The following ROBO2 variants were observed in gnomAD, a reference collection of about 807,000 sequenced individuals.
ROBO2 encodes the protein roundabout homolog 2.
Under a neutral mutation model 160.8 loss-of-function variants are expected in ROBO2, and 53 were observed. That is an observed-to-expected ratio of 0.33 (90% CI 0.26 to 0.41). The LOEUF (loss-of-function observed/expected upper bound fraction) is 0.41. Among genes scored for constraint, ROBO2 ranks in the 10% least tolerant of loss-of-function variants. ROBO2 has a pLI of 1.00. For missense variants in ROBO2, 1,577 were observed against 1,722.4 expected (o/e 0.92, Z 1.49); for synonymous variants, 664 against 611.7 (o/e 1.09, Z -1.26).
At chr3:77,427,235 A>G (rs1461680743) in intron 2 of ROBO2, among the ~76,000 whole-genome samples, 1 of 152,212 alleles carries the variant, frequency 6.6e-6, no homozygotes, top group African/African-American at 2.4e-5. Flanking sequence ...TTATGGAAGC[A>G]TTGTCAGACC....
intron 2 of ROBO2, among the ~76,000 whole-genome samples, chr3:76,911,620 T>C (rs2075996103): frequency 6.6e-6 from 1 of 152,188 alleles, no homozygotes; most frequent in Non-Finnish European, 1.5e-5. Context: ...GGCTAAAAAT[T>C]ACATTTTTCC....
chr3:77,441,607 A>G (rs904749999), intron 2 of ROBO2, among the ~76,000 whole-genome samples: 8 of 152,182 alleles, frequency 5.3e-5, no homozygotes, highest in Non-Finnish European at 1.0e-4. Context: ...TGCATAAGAA[A>G]TCAGTGTTCT....
At chr3:76,774,120 G>T (rs776389293) in intron 2 of ROBO2, among the ~76,000 whole-genome samples, 11 of 150,926 alleles carry the variant, frequency 7.3e-5, no homozygotes, top group Non-Finnish European at 1.6e-4. Flanking sequence ...ACACAATTAA[G>T]ATTATCTCTA....
At chr3:76,443,157 A>G (rs549370229) in intron 2 of ROBO2, among the ~76,000 whole-genome samples, 23 of 151,996 alleles carry the variant, frequency 1.5e-4, no homozygotes, top group Non-Finnish European at 2.8e-4. Flanking sequence ...TCATTTTAAC[A>G]TTCAGTTCTC....
intron 2 of ROBO2, among the ~76,000 whole-genome samples, chr3:77,278,410 G>C (rs1365609525): frequency 6.6e-6 from 1 of 152,028 alleles, no homozygotes; most frequent in Non-Finnish European, 1.5e-5. Flanking sequence ...CCTGGACTGA[G>C]GTACAGTGTT....
At chr3:76,933,930 T>C (rs1350632008) in intron 2 of ROBO2, among the ~76,000 whole-genome samples, 2 of 152,198 alleles carry the variant, frequency 1.3e-5, no homozygotes, top group African/African-American at 4.8e-5. Flanking sequence ...ATTATAGAAA[T>C]ATTGCTTATA....
At position 77,415,210 on chromosome 3, in the gene ROBO2, A is replaced by T. The variant is rs556200834; in HGVS notation, c.389-62204A>T. Among the ~76,000 whole-genome samples, 30 of 152,340 alleles carry T rather than the reference A, an allele frequency of 2.0e-4. 1 individual carries two copies. The South Asian group carries it at 4.1e-3, about 21-fold the overall frequency. On this transcript the variant is annotated intron_variant, in intron 2 of 25. Coordinates refer to ENST00000461745, the Ensembl canonical transcript of ROBO2. ...GAGCAAATGCTCAACTTTGTCTGGG[A>T]GGTGTAGAGAAGCAATGTTAAGGCA...
At chr3:77,141,559 G>A (rs2076706085) in intron 2 of ROBO2, among the ~76,000 whole-genome samples, 1 of 152,226 alleles carries the variant, frequency 6.6e-6, no homozygotes, top group Admixed American at 6.5e-5. Context: ...ATTCATTATG[G>A]TAATGGCACT....
intron 2 of ROBO2, among the ~76,000 whole-genome samples, chr3:77,102,052 C>T (rs946592042): frequency 6.6e-6 from 1 of 151,928 alleles, no homozygotes; most frequent in Non-Finnish European, 1.5e-5. Context: ...ACAAACAAAC[C>T]ACAAGAGTAC....
intron 2 of ROBO2, among the ~76,000 whole-genome samples, chr3:75,992,533 G>A (rs1012387784): frequency 4.6e-4 from 70 of 152,330 alleles, no homozygotes; most frequent in African/African-American, 1.6e-3. Flanking sequence ...GAAGTTTGCT[G>A]CATGGGTGGG....
chr3:77,612,321 G>A (rs924770858), intron 21 of ROBO2, among the ~76,000 whole-genome samples: 2 of 152,160 alleles, frequency 1.3e-5, no homozygotes, highest in African/African-American at 4.8e-5. Flanking sequence ...AAAATTTGTA[G>A]AGTCATCTGT....
intron 2 of ROBO2, among the ~76,000 whole-genome samples, chr3:77,277,922 C>T (rs1180049423): frequency 6.6e-6 from 1 of 151,864 alleles, no homozygotes; most frequent in African/African-American, 2.4e-5. Context: ...ACGTTACCAC[C>T]AACAGTGTAA....
intron 2 of ROBO2, among the ~76,000 whole-genome samples, chr3:76,838,514 G>C (rs2067919290): frequency 6.6e-6 from 1 of 152,002 alleles, no homozygotes; most frequent in Admixed American, 6.6e-5. Context: ...GTTCTAGTAG[G>C]GGTCATTGAG....
chr3:76,244,078 T>G (rs1379027360), intron 2 of ROBO2, among the ~76,000 whole-genome samples: 4 of 152,208 alleles, frequency 2.6e-5, no homozygotes. Context: ...ACATGTCATA[T>G]CTTATTGAAT....
At chr3:76,531,351 TTACTC>T (rs1362867496) in intron 2 of ROBO2, among the ~76,000 whole-genome samples, 1 of 152,164 alleles carries the variant, frequency 6.6e-6, no homozygotes, top group Non-Finnish European at 1.5e-5. Flanking sequence ...CAATGAGTCT[TTACTC>T]TGGTTTGAAC....
intron 2 of ROBO2, among the ~76,000 whole-genome samples, chr3:77,385,056 G>A (rs1238773549): frequency 6.6e-6 from 1 of 152,152 alleles, no homozygotes; most frequent in Admixed American, 6.5e-5. Flanking sequence ...GTTTTAGACG[G>A]AGTCTCTCTG....
chr3:77,350,845 T>C (rs969279471), intron 2 of ROBO2, among the ~76,000 whole-genome samples: 2 of 152,162 alleles, frequency 1.3e-5, no homozygotes, highest in African/African-American at 4.8e-5. Context: ...AAGAGGAGTC[T>C]CAGTCTTTGG....
intron 2 of ROBO2, among the ~76,000 whole-genome samples, chr3:76,804,085 T>A (rs2064471823): frequency 6.6e-6 from 1 of 152,134 alleles, no homozygotes; most frequent in Admixed American, 6.5e-5. Flanking sequence ...GTTCCTATCT[T>A]GTGTGGGTGT....
At chr3:76,706,947 A>G (rs1229244245) in intron 2 of ROBO2, among the ~76,000 whole-genome samples, 2 of 152,120 alleles carry the variant, frequency 1.3e-5, no homozygotes, top group Non-Finnish European at 2.9e-5. Context: ...ATGGGAGAAT[A>G]GAGGATGAAG....
Sources: gnomAD v4.1 joint callset for allele counts (sites outside exome capture counted in the v4.1 genomes callset) on GRCh38, gnomAD v4.1.1 for gene constraint, MANE v1.5 for transcripts, NCBI Gene and HGNC (gene_info 2026-07-23, HGNC 2026-07-21) for gene names.